The following CLIC5 variants were observed in gnomAD, a reference collection of about 807,000 sequenced individuals.
CLIC5 encodes the protein chloride intracellular channel protein 5.
In CLIC5, 20 loss-of-function variants were observed where a neutral mutation model predicts 24.7. That is an observed-to-expected ratio of 0.81 (90% CI 0.57 to 1.18). CLIC5 has a LOEUF of 1.18. Ranked by LOEUF, CLIC5 falls within the 50% of genes most tolerant of loss-of-function variation. CLIC5 has a pLI of 0.00. For synonymous variants in CLIC5, 159 were observed against 135.6 expected, an observed-to-expected ratio of 1.17 and a Z score of -1.20; for missense variants, 341 against 326.1, an observed-to-expected ratio of 1.05 and a Z score of -0.35.
chr6:46,007,805 G>GA lies in CLIC5; in HGVS notation c.63+7674dup, dbSNP rs973755742. ...TTATGAATGTTGATCACATTTTATAGAAAAAAAAAACTTACCCTTAAAGCA... is the reference window on the plus strand; with the variant it reads ...TTATGAATGTTGATCACATTTTATAGAAAAAAAAAAACTTACCCTTAAAGCA... On this transcript the variant is annotated intron_variant, in intron 1 of 5. Coordinates refer to ENST00000339561, the MANE Select transcript of CLIC5 (RefSeq NM_016929.5). Among the ~76,000 whole-genome samples the GA allele has an allele frequency of 2.8e-3, 415 of 146,964 alleles. 5 individuals carry two copies. The highest frequency in any genetic ancestry group is 7.5e-3 in the African/African-American group (301 of 40,266).
intron 3 of CLIC5, among the ~76,000 whole-genome samples, chr6:45,943,599 T>C (rs999290119): frequency 1.3e-5 from 2 of 152,244 alleles, no homozygotes; most frequent in Non-Finnish European, 2.9e-5. Flanking sequence ...TCCTTGATAA[T>C]GTAAAGACAG....
chr6:45,950,389 C>T (rs1218203404), intron 2 of CLIC5, among the ~76,000 whole-genome samples: 1 of 150,834 alleles, frequency 6.6e-6, no homozygotes, highest in East Asian at 1.9e-4. Context: ...AGCAAGACCC[C>T]CATCTTTACA....
At chr6:45,949,755 G>A (rs1385376930) in intron 2 of CLIC5, among the ~76,000 whole-genome samples, 1 of 152,156 alleles carries the variant, frequency 6.6e-6, no homozygotes, top group Non-Finnish European at 1.5e-5. Context: ...TAACAAAAAT[G>A]CGCTACACAT....
chr6:45,982,202 A>T (rs1468797916), intron 1 of CLIC5, among the ~76,000 whole-genome samples: 1 of 152,072 alleles, frequency 6.6e-6, no homozygotes, highest in Non-Finnish European at 1.5e-5. Flanking sequence ...TTGGACACCT[A>T]ACCATGCAGG....
intron 1 of CLIC5, among the ~76,000 whole-genome samples, chr6:46,008,358 C>T (rs1220491506): frequency 6.6e-6 from 1 of 152,182 alleles, no homozygotes; most frequent in Non-Finnish European, 1.5e-5. Context: ...CCTGATCATT[C>T]TTCAAGACTC....
At chr6:46,040,783 T>C (rs1234728921) in intron 1 of CLIC5, among the ~76,000 whole-genome samples, 1 of 152,132 alleles carries the variant, frequency 6.6e-6, no homozygotes, top group African/African-American at 2.4e-5. Flanking sequence ...AAATTATAAA[T>C]AGCAGTTGTA....
intron 1 of CLIC5, among the ~76,000 whole-genome samples, chr6:45,992,938 T>A (rs1462296461): frequency 1.3e-5 from 2 of 152,234 alleles, no homozygotes; most frequent in African/African-American, 4.8e-5. Flanking sequence ...TGCATATGTG[T>A]GCCTGTGTGT....
chr6:45,920,994 G>A (rs1016093908), intron 4 of CLIC5, among the ~76,000 whole-genome samples: 1 of 152,166 alleles, frequency 6.6e-6, no homozygotes, highest in African/African-American at 2.4e-5. Flanking sequence ...TTTTAGAAAT[G>A]AGTCATGTAG....
intron 1 of CLIC5, among the ~76,000 whole-genome samples, chr6:46,021,471 G>A (rs575398460): frequency 6.6e-6 from 1 of 152,154 alleles, no homozygotes; most frequent in South Asian, 2.1e-4. Flanking sequence ...TAAAACCTTG[G>A]TACATAAATT....
chr6:45,945,879 A>G (rs1252640928), intron 3 of CLIC5, among the ~76,000 whole-genome samples: 1 of 152,234 alleles, frequency 6.6e-6, no homozygotes, highest in African/African-American at 2.4e-5. Context: ...TGATACTTAA[A>G]TCATTCTTGC....
chr6:46,063,331 T>A (rs1334761168), intron 1 of CLIC5, among the ~76,000 whole-genome samples: 1 of 151,930 alleles, frequency 6.6e-6, no homozygotes, highest in Non-Finnish European at 1.5e-5. Flanking sequence ...CCTGACAGAG[T>A]AAAAGAAACC....
Position 45,963,030 on chromosome 6 carries a change from C to T in CLIC5, c.64-7786G>A, listed in dbSNP as rs563550479. Among the ~76,000 whole-genome samples, 10 of 152,334 alleles carry T rather than the reference C, an allele frequency of 6.6e-5. No homozygotes were observed. In the South Asian group the frequency reaches 2.1e-3, roughly 32 times the overall value. The stretch of plus-strand genomic sequence containing the variant: ...TGTCCCTTCTCCCAGCCCCTTCTTT[C>T]TACTCCTACATGGCTTCTTTTCTAT... On this transcript the variant is annotated intron_variant, in intron 1 of 5. Coordinates refer to ENST00000339561, the MANE Select transcript of CLIC5 (RefSeq NM_016929.5).
rs1764740138 is a variant in CLIC5 at position 45,958,475 on chromosome 6, T to TAA, written c.64-3233_64-3232dup. On this transcript the variant is annotated intron_variant, in intron 1 of 5. Transcript: ENST00000339561. ...ATATATATATATATATATATATATA[T>TAA]AAACAGCTAATGGCAAACTTCCCAA... is the stretch of plus-strand genomic sequence containing the variant. 1.1e-4 allele frequency among the ~76,000 whole-genome samples: 9 copies of TAA among 81,378 alleles called. 1 individual carries two copies. In the South Asian group the frequency reaches 1.8e-3, roughly 16 times the overall value. The allele number at this position is 81,378 out of a possible 152,430, so 53.4% of individuals were successfully genotyped here. A position where few individuals can be genotyped will look rare whatever the true frequency, so the allele number is the denominator to read the frequency against.
intron 1 of CLIC5, among the ~76,000 whole-genome samples, chr6:45,972,114 A>T (rs942761632): frequency 6.6e-6 from 1 of 152,252 alleles, no homozygotes; most frequent in Non-Finnish European, 1.5e-5. Flanking sequence ...AACAAATTTA[A>T]CATAAGTAGA....
Position 45,911,594 on chromosome 6 carries a change from GAC to G in CLIC5, c.588+2632_588+2633del, listed in dbSNP as rs1369163419. ...GGGATCCAAAAGTATTTTTCACAGT[GAC>G]ACACTGATTCATAGAGTAGCCTCAA... is the stretch of plus-strand genomic sequence containing the variant. On this transcript the variant is annotated intron_variant, in intron 5 of 5. Coordinates refer to ENST00000339561, the MANE Select transcript of CLIC5 (RefSeq NM_016929.5). The G allele has an allele frequency of 7.1e-6, 7 of 984,794 alleles. No homozygotes were observed. The East Asian group carries it at 3.4e-4, about 48-fold the overall frequency. The allele number at this position is 984,794 out of a possible 1,614,324, so 61.0% of individuals were successfully genotyped here.
the CLIC5 span, among the ~76,000 whole-genome samples, chr6:46,102,035 C>T: frequency 6.6e-6 from 1 of 151,866 alleles, no homozygotes; most frequent in East Asian, 1.9e-4. Flanking sequence ...AAATTTATGT[C>T]CTAGGTTATA....
chr6:45,944,983 T>G (rs1044480279), intron 3 of CLIC5, among the ~76,000 whole-genome samples: 4 of 152,248 alleles, frequency 2.6e-5, no homozygotes, highest in African/African-American at 9.6e-5. Flanking sequence ...AATCCTTGAC[T>G]GTGTGCTTGT....
intron 6 of CLIC5, among the ~76,000 whole-genome samples, chr6:45,881,912 C>A (rs1199067123): frequency 3.3e-5 from 5 of 151,842 alleles, no homozygotes; most frequent in Non-Finnish European, 7.4e-5. Flanking sequence ...GGACTGTATT[C>A]TGGAAATGGG....
At chr6:46,048,835 T>C (rs1768028291) in intron 1 of CLIC5, among the ~76,000 whole-genome samples, 3 of 152,126 alleles carry the variant, frequency 2.0e-5, no homozygotes, top group Non-Finnish European at 2.9e-5. Flanking sequence ...GTCAGGCACA[T>C]GCAGTGGCTT....
Sources: gnomAD v4.1 joint callset for allele counts (sites outside exome capture counted in the v4.1 genomes callset) on GRCh38, gnomAD v4.1.1 for gene constraint, MANE v1.5 for transcripts, NCBI Gene and HGNC (gene_info 2026-07-23, HGNC 2026-07-21) for gene names.